The following CDK19 variants were observed in gnomAD, a reference collection of about 807,000 sequenced individuals.
CDK19 encodes the protein cyclin dependent kinase 19.
In CDK19, 20 loss-of-function variants were observed where a neutral mutation model predicts 68.3. The observed-to-expected ratio is 0.29, with a 90% CI of 0.21 to 0.43. The LOEUF is 0.43. CDK19 is among the 20% of genes least tolerant of loss of function. The pLI is 1.00. For synonymous variants in CDK19, 221 were observed against 222.8 expected (o/e 0.99, Z 0.07); for missense variants, 339 against 623.5 (o/e 0.54, Z 4.86).
chr6:110,660,913 T>C (rs922666577), intron 4 of CDK19, among the ~76,000 whole-genome samples: 1 of 152,134 alleles, frequency 6.6e-6, no homozygotes, highest in African/African-American at 2.4e-5. Context: ...GGCTTGAGGG[T>C]AGGAACTTCA....
At chr6:110,625,659 T>C (rs550683967) in intron 8 of CDK19, among the ~76,000 whole-genome samples, 49 of 152,276 alleles carry the variant, frequency 3.2e-4, no homozygotes, top group African/African-American at 1.2e-3. Flanking sequence ...ATCCACATAA[T>C]TGATGGTAAA....
chr6:110,637,372 A>C (rs954371515), intron 5 of CDK19, among the ~76,000 whole-genome samples: 1 of 152,208 alleles, frequency 6.6e-6, no homozygotes, highest in Non-Finnish European at 1.5e-5. Flanking sequence ...CAGCTACTTA[A>C]TTAACATCAA....
intron 5 of CDK19, among the ~76,000 whole-genome samples, chr6:110,637,680 G>A (rs1228452104): frequency 2.0e-5 from 3 of 152,142 alleles, no homozygotes; most frequent in African/African-American, 4.8e-5. Flanking sequence ...ATAATTTCTA[G>A]TAAAAGAAAC....
intron 1 of CDK19, 138 bp from the exon 2 acceptor site, chr6:110,746,339 T>A (rs924853086): frequency 2.9e-5 from 14 of 481,758 alleles, no homozygotes; most frequent in Non-Finnish European, 4.7e-5. Context: ...TGCTTATTAT[T>A]TTTGATAATA....
intron 2 of CDK19, among the ~76,000 whole-genome samples, chr6:110,683,922 T>G (rs530376575): frequency 6.6e-6 from 1 of 151,424 alleles, no homozygotes; most frequent in Non-Finnish European, 1.5e-5. Flanking sequence ...TTGGCCAGGC[T>G]AGTCTCAAAT....
intron 2 of CDK19, among the ~76,000 whole-genome samples, chr6:110,704,771 C>A: frequency 6.6e-6 from 1 of 152,016 alleles, no homozygotes; most frequent in East Asian, 1.9e-4. Flanking sequence ...GTAATCTACA[C>A]GTGCCCCAGG....
chr6:110,741,376 TG>T (rs1482083347), intron 2 of CDK19, among the ~76,000 whole-genome samples: 1 of 151,580 alleles, frequency 6.6e-6, no homozygotes, highest in Non-Finnish European at 1.5e-5. Flanking sequence ...GTGGTAAAAT[TG>T]CTTAAACCCA....
chr6:110,812,629 C>T (rs1783190916), intron 1 of CDK19, among the ~76,000 whole-genome samples: 1 of 152,166 alleles, frequency 6.6e-6, no homozygotes, highest in South Asian at 2.1e-4. Flanking sequence ...TGGTTATATA[C>T]TACATTATAT....
At chr6:110,719,972 G>GCTCCCCCCCCCCCCCCCCCCCCCCC (rs1554211507) in intron 2 of CDK19, among the ~76,000 whole-genome samples, 4 of 45,516 alleles carry the variant, frequency 8.8e-5, no homozygotes, top group African/African-American at 1.7e-4. Flanking sequence ...CTTGTGATCC[G>GCTCCCCCCCCCCCCCCCCCCCCCCC]CCCCCCCCCC....
chr6:110,707,923 G>A (rs1194667003), intron 2 of CDK19, among the ~76,000 whole-genome samples: 1 of 152,170 alleles, frequency 6.6e-6, no homozygotes, highest in Non-Finnish European at 1.5e-5. Context: ...AGTGAGACGA[G>A]ATCATGCCAC....
chr6:110,796,287 A>T (rs984478443), intron 1 of CDK19, among the ~76,000 whole-genome samples: 2 of 152,218 alleles, frequency 1.3e-5, no homozygotes, highest in Non-Finnish European at 2.9e-5. Context: ...CAGTGAGCCA[A>T]GATTGTGCCA....
intron 4 of CDK19, among the ~76,000 whole-genome samples, chr6:110,644,571 T>A (rs1391108277): frequency 6.6e-6 from 1 of 152,244 alleles, no homozygotes; most frequent in Non-Finnish European, 1.5e-5. Flanking sequence ...ATACCCCATT[T>A]ACCCTCTTGT....
intron 10 of CDK19, 40 bp from the exon 11 acceptor site, chr6:110,622,206 AATCTGTAAT>A: frequency 7.9e-7 from 1 of 1,270,670 alleles, no homozygotes; most frequent in Non-Finnish European, 1.1e-6. Flanking sequence ...CATGATCTAA[AATCTGTAAT>A]ATCATTACCT....
intron 6 of CDK19, among the ~76,000 whole-genome samples, chr6:110,631,782 T>C (rs1416997688): frequency 6.6e-6 from 1 of 152,246 alleles, no homozygotes; most frequent in South Asian, 2.1e-4. Flanking sequence ...ATTGTTTCCA[T>C]AGCAACTCAA....
chr6:110,789,153 T>C (rs1315996412), intron 1 of CDK19, among the ~76,000 whole-genome samples: 1 of 152,244 alleles, frequency 6.6e-6, no homozygotes, highest in African/African-American at 2.4e-5. Context: ...TAGTACAGTA[T>C]GTACAACAGT....
At chr6:110,680,723 G>T (rs749713149) in intron 2 of CDK19, among the ~76,000 whole-genome samples, 45 of 152,190 alleles carry the variant, frequency 3.0e-4, no homozygotes, top group Non-Finnish European at 4.9e-4. Flanking sequence ...CAGGCTGGGT[G>T]CAGTGGCTCA....
At chr6:110,735,111 C>CT (rs71733873) in intron 2 of CDK19, among the ~76,000 whole-genome samples, 481 of 145,978 alleles carry the variant, frequency 3.3e-3, no homozygotes, top group Non-Finnish European at 4.2e-3. Flanking sequence ...TTTTAATCTT[C>CT]TTTTTTTTTT....
intron 3 of CDK19, among the ~76,000 whole-genome samples, chr6:110,669,784 C>A (rs1410492254): frequency 6.6e-6 from 1 of 152,174 alleles, no homozygotes; most frequent in African/African-American, 2.4e-5. Flanking sequence ...TTTTTTGCTT[C>A]TTTCATACGT....
At chr6:110,731,333 G>A (rs1776743978) in intron 2 of CDK19, among the ~76,000 whole-genome samples, 1 of 152,174 alleles carries the variant, frequency 6.6e-6, no homozygotes, top group South Asian at 2.1e-4. Flanking sequence ...ATCACTGGCT[G>A]TGATGATGCT....
Sources: allele counts gnomAD v4.1 joint callset (sites outside exome capture counted in the v4.1 genomes callset), GRCh38; gene constraint gnomAD v4.1.1; transcripts MANE v1.5; gene names NCBI Gene and HGNC (gene_info 2026-07-23, HGNC 2026-07-21).